The following CPAP variants were observed in gnomAD, a reference collection of about 807,000 sequenced individuals.
CPAP encodes the protein centrosome assembly and centriole elongation protein, also known as centrosomal P4.1-associated protein.
chr13:24,929,626 T>C, the CPAP span, among the ~76,000 whole-genome samples: 1 of 152,230 alleles, frequency 6.6e-6, no homozygotes, highest in Non-Finnish European at 1.5e-5. Context: ...TTGAAGTTCA[T>C]TGAGCTTATT....
chr13:24,903,599 C>T, the CPAP span, among the ~76,000 whole-genome samples: 1 of 152,234 alleles, frequency 6.6e-6, no homozygotes, highest in Non-Finnish European at 1.5e-5. Context: ...TGTTTAAAGC[C>T]ACCCAGTTGC....
At chr13:24,925,939 C>G in the CPAP span, 2 of 152,656 alleles carry the variant, frequency 1.3e-5, no homozygotes, top group African/African-American at 4.8e-5. Context: ...ATTGTTTTTG[C>G]TCCAGGCTTT....
At chr13:24,886,319 AAGG>A in the CPAP span, 8 of 1,289,212 alleles carry the variant, frequency 6.2e-6, 1 homozygote, top group South Asian at 8.6e-5. Flanking sequence ...GAATGGCCTG[AAGG>A]AGGAGAGCGG....
At chr13:24,903,972 AAGAT>A in the CPAP span, 1 of 1,614,148 alleles carries the variant, frequency 6.2e-7, no homozygotes, top group Non-Finnish European at 8.5e-7. Flanking sequence ...AGTTTAGCTA[AAGAT>A]GCGTTCTCAG....
At chr13:24,883,102 A>G in the CPAP span, 5 of 1,299,792 alleles carry the variant, frequency 3.8e-6, no homozygotes, top group Non-Finnish European at 5.6e-6. Context: ...AATAAATTAA[A>G]CAGAATCCAC....
the CPAP span, chr13:24,899,667 G>A: frequency 2.0e-6 from 2 of 1,024,112 alleles, no homozygotes; most frequent in South Asian, 1.3e-5. Context: ...GCTAGTAACT[G>A]CTAGTCCTAG....
the CPAP span, chr13:24,906,041 T>C: frequency 1.2e-6 from 2 of 1,614,154 alleles, no homozygotes; most frequent in Non-Finnish European, 8.5e-7. Flanking sequence ...TTCCCTCAAT[T>C]CATCAGCTGA....
the CPAP span, among the ~76,000 whole-genome samples, chr13:24,917,444 C>G: frequency 6.6e-6 from 1 of 152,096 alleles, no homozygotes; most frequent in African/African-American, 2.4e-5. Context: ...CTTTTATTCT[C>G]TCGGTAGGAC....
chr13:24,927,039 G>A, the CPAP span, among the ~76,000 whole-genome samples: 3 of 152,126 alleles, frequency 2.0e-5, no homozygotes, highest in African/African-American at 7.2e-5. Context: ...AAACATATGG[G>A]TCACTCAGAA....
the CPAP span, chr13:24,906,548 G>A: frequency 6.2e-7 from 1 of 1,614,158 alleles, no homozygotes; most frequent in Non-Finnish European, 8.5e-7. Flanking sequence ...TTTATTATTA[G>A]ATGTGACTTT....
chr13:24,904,175 C>T, the CPAP span: 1 of 1,147,370 alleles, frequency 8.7e-7, no homozygotes, highest in Non-Finnish European at 1.3e-6. Flanking sequence ...TATTAAAATG[C>T]ATTAGAAACA....
chr13:24,916,803 G>A, the CPAP span, among the ~76,000 whole-genome samples: 2 of 152,170 alleles, frequency 1.3e-5, no homozygotes, highest in African/African-American at 4.8e-5. Context: ...CCATTAACAG[G>A]AGATCAGCTA....
At chr13:24,901,680 T>C in the CPAP span, among the ~76,000 whole-genome samples, 1 of 152,186 alleles carries the variant, frequency 6.6e-6, no homozygotes, top group East Asian at 1.9e-4. Context: ...ATAGGTAAGA[T>C]GTCTATTATG....
the CPAP span, among the ~76,000 whole-genome samples, chr13:24,929,259 G>A: frequency 6.6e-6 from 1 of 152,104 alleles, no homozygotes; most frequent in Non-Finnish European, 1.5e-5. Flanking sequence ...ATGGGGTTTT[G>A]CCATGTTGCC....
chr13:24,928,565 G>C, the CPAP span, among the ~76,000 whole-genome samples: 1 of 152,180 alleles, frequency 6.6e-6, no homozygotes, highest in Admixed American at 6.5e-5. Flanking sequence ...TGAGTAGCTA[G>C]GACTACAGGC....
the CPAP span, among the ~76,000 whole-genome samples, chr13:24,901,808 A>G: frequency 2.0e-5 from 3 of 152,170 alleles, no homozygotes; most frequent in Non-Finnish European, 2.9e-5. Flanking sequence ...CCTGGGGAAC[A>G]TGGCAAAACC....
At chr13:24,904,003 TTC>T in the CPAP span, 9 of 1,613,992 alleles carry the variant, frequency 5.6e-6, no homozygotes, top group Non-Finnish European at 6.8e-6. Context: ...ACTTTTCTAT[TTC>T]TGTTTCCAAT....
At chr13:24,892,541 G>T in the CPAP span, 3 of 898,476 alleles carry the variant, frequency 3.3e-6, no homozygotes, top group Non-Finnish European at 5.5e-6. Context: ...TGCCCCCCCA[G>T]CCCCTGGCAG....
the CPAP span, chr13:24,906,566 A>T: frequency 3.7e-6 from 6 of 1,614,194 alleles, no homozygotes; most frequent in Non-Finnish European, 5.1e-6. Flanking sequence ...TTTGTTTTCA[A>T]ATTTGATCTG....
Sources: gnomAD v4.1 joint callset for allele counts (sites outside exome capture counted in the v4.1 genomes callset) on GRCh38, gnomAD v4.1.1 for gene constraint, MANE v1.5 for transcripts, NCBI Gene and HGNC (gene_info 2026-07-23, HGNC 2026-07-21) for gene names.